Variants in DGLUCY observed in about 807,000 individuals in gnomAD.
DGLUCY encodes D-glutamate cyclase.
A neutral mutation model predicts 58.5 loss-of-function variants in DGLUCY; 58 were observed. The ratio of observed to expected loss-of-function variants is 0.99; its 90% CI spans 0.80 to 1.23. The LOEUF (loss-of-function observed/expected upper bound fraction) is 1.23, where lower values mean the gene tolerates loss of function less well. DGLUCY is among the 50% of genes most tolerant of loss of function. The probability of loss-of-function intolerance (pLI) is 0.00; values close to 1 mark genes in which losing one functional copy is unlikely to be tolerated. For synonymous variants in DGLUCY, 325 were observed against 314.1 expected, an observed-to-expected ratio of 1.03 and a Z score of -0.37; for missense variants, 779 against 784.7, an observed-to-expected ratio of 0.99 and a Z score of 0.09.
intron 1 of DGLUCY, chr14:91,114,864 C>G (rs1474791795): frequency 6.6e-6 from 1 of 152,404 alleles, no homozygotes; most frequent in Non-Finnish European, 1.5e-5. Context: ...AAATCCTCGC[C>G]AAGTCTTTCT....
At chr14:91,169,479 G>T (rs2048452942) in intron 4 of DGLUCY, among the ~76,000 whole-genome samples, 1 of 151,170 alleles carries the variant, frequency 6.6e-6, no homozygotes, top group Admixed American at 6.6e-5. Flanking sequence ...GCACGATCTC[G>T]GCTCACTACA....
intron 1 of DGLUCY, among the ~76,000 whole-genome samples, chr14:91,077,195 G>A (rs142859636): frequency 2.6e-5 from 4 of 151,688 alleles, no homozygotes; most frequent in African/African-American, 7.3e-5. Context: ...GCAGTGAGCC[G>A]TGATCGTGCC....
chr14:91,126,462 C>G (rs1420884841), intron 1 of DGLUCY: 1 of 228,746 alleles, frequency 4.4e-6, no homozygotes, highest in Non-Finnish European at 9.2e-6. Context: ...AGAATGCCTC[C>G]TCTGTTTACA....
At position 91,063,288 on chromosome 14, in the gene DGLUCY, T is replaced by C. The variant is rs913063551; in HGVS notation, c.-82+2584T>C. Among the ~76,000 whole-genome samples the C allele has an allele frequency of 6.6e-5, 10 of 151,744 alleles. No homozygotes were observed. The Middle Eastern group carries it at 0.01, about 156-fold the overall frequency. On this transcript the variant is annotated intron_variant, in intron 1 of 4. Transcript: ENST00000521334. ...TTTCTTACCTCCTTTGCAGTTAGGT[T>C]AGGGTCATATGACTATGATCTGGCC...
At chr14:91,113,055 A>G (rs1195728698), upstream of DGLUCY, among the ~76,000 whole-genome samples, 1 of 149,880 alleles carries the variant, frequency 6.7e-6, no homozygotes, top group East Asian at 2.0e-4. Flanking sequence ...TAATCCCAGC[A>G]CTTTGGGAGG....
intron 13 of DGLUCY, among the ~76,000 whole-genome samples, chr14:91,221,497 C>A (rs935379367): frequency 6.8e-6 from 1 of 146,376 alleles, no homozygotes; most frequent in African/African-American, 2.6e-5. Context: ...TGGATGGATG[C>A]ATGGATGGAT....
intron 1 of DGLUCY, among the ~76,000 whole-genome samples, chr14:91,120,485 A>G (rs1304747432): frequency 1.3e-5 from 2 of 152,104 alleles, no homozygotes; most frequent in African/African-American, 2.4e-5. Context: ...GCTCACTGCA[A>G]CCTGCAGCCT....
chr14:91,217,786 C>A (rs1020786827), intron 13 of DGLUCY, among the ~76,000 whole-genome samples: 16 of 152,158 alleles, frequency 1.1e-4, no homozygotes, highest in African/African-American at 3.1e-4. Context: ...CCACGCCCGG[C>A]CTCTTTTCTG....
chr14:91,163,339 G>T (rs374390511), intron 3 of DGLUCY, among the ~76,000 whole-genome samples: 1 of 152,178 alleles, frequency 6.6e-6, no homozygotes, highest in Admixed American at 6.5e-5. Flanking sequence ...GGAGTGGGAG[G>T]CCTCTAAGCC....
intron 12 of DGLUCY, among the ~76,000 whole-genome samples, chr14:91,212,729 G>T (rs920759408): frequency 6.6e-6 from 1 of 150,756 alleles, no homozygotes; most frequent in African/African-American, 2.4e-5. Context: ...AAGGCTGGGC[G>T]CAGTGGCTCA....
chr14:91,106,371 T>C (rs188248967), upstream of DGLUCY, among the ~76,000 whole-genome samples: 1 of 151,838 alleles, frequency 6.6e-6, no homozygotes, highest in Admixed American at 6.6e-5. Flanking sequence ...AACTGAATTG[T>C]CATTATATGG....
chr14:91,187,003 CTTCT>C (rs1433748867), intron 8 of DGLUCY, among the ~76,000 whole-genome samples: 37 of 8,444 alleles, frequency 4.4e-3, no homozygotes, highest in East Asian at 0.039. Flanking sequence ...ATGTCTTCTT[CTTCT>C]TTTTTTTTTT....
chr14:91,185,986 G>T (rs534220368), intron 8 of DGLUCY, among the ~76,000 whole-genome samples: 11 of 152,028 alleles, frequency 7.2e-5, no homozygotes, highest in African/African-American at 2.7e-4. Flanking sequence ...CATCTTGAGC[G>T]TTACTCACTG....
At chr14:91,154,961 TC>T (rs1047928551) in intron 1 of DGLUCY, among the ~76,000 whole-genome samples, 1 of 151,910 alleles carries the variant, frequency 6.6e-6, no homozygotes, top group Non-Finnish European at 1.5e-5. Flanking sequence ...GGACAGCTGG[TC>T]CCCCCAGTAC....
At chr14:91,079,110 G>C (rs2044080715) in intron 1 of DGLUCY, among the ~76,000 whole-genome samples, 1 of 151,640 alleles carries the variant, frequency 6.6e-6, no homozygotes, top group Admixed American at 6.6e-5. Flanking sequence ...CACCATATTG[G>C]CCAGGCTGGT....
chr14:91,170,183 C>T lies in DGLUCY; in HGVS notation c.438C>T (p.Ser146=), dbSNP rs751942283. The stretch of plus-strand genomic sequence containing the variant: ...CCAGAAGAGACCCAGCAGGTCACAG[C>T]CAGGCGGGTGCATACAAGGTAGGGA... The part of the protein sequence containing the change: ...GLPRRDPAGH[S]QAGAYKTTVP... Residue 146 remains serine (S), a synonymous_variant, in exon 5 of 14, where the codon AGC becomes AGT. Transcript: ENST00000256324. The T allele has an allele frequency of 6.8e-6, 11 of 1,613,690 alleles. No homozygotes were observed. The highest frequency in any genetic ancestry group is 9.3e-6 in the Non-Finnish European group (11 of 1,179,962).
At chr14:91,175,381 A>G (rs1378995881) in intron 6 of DGLUCY, among the ~76,000 whole-genome samples, 2 of 152,156 alleles carry the variant, frequency 1.3e-5, no homozygotes, top group Admixed American at 1.3e-4. Context: ...AACCGACAAC[A>G]TTAGACAGAA....
rs376281555 is a variant in DGLUCY at position 91,143,164 on chromosome 14, C to T, written c.-81-14475C>T. 7.5e-4 allele frequency among the ~76,000 whole-genome samples: 114 copies of T among 151,468 alleles called. 1 individual carries two copies. The Middle Eastern group carries it at 0.017, about 23-fold the overall frequency. ...AGGCTGGAGTGCAGTGGCGCAATCTCGGCTCACTGCAAGCTCTGCCTCCCG... is the reference window on the plus strand; with the variant it reads ...AGGCTGGAGTGCAGTGGCGCAATCTTGGCTCACTGCAAGCTCTGCCTCCCG... On this transcript the variant is annotated intron_variant, in intron 1 of 13. Coordinates refer to ENST00000256324, the MANE Select transcript of DGLUCY (RefSeq NM_001102368.3).
At chr14:91,068,079 G>GCACGCA (rs1555387694) in intron 1 of DGLUCY, among the ~76,000 whole-genome samples, 18 of 146,342 alleles carry the variant, frequency 1.2e-4, no homozygotes, top group African/African-American at 4.1e-4. Context: ...ACACGCGCAC[G>GCACGCA]CACACACACA....
Sources: gnomAD v4.1 joint callset for allele counts (sites outside exome capture counted in the v4.1 genomes callset) on GRCh38, gnomAD v4.1.1 for gene constraint, MANE v1.5 for transcripts, NCBI Gene and HGNC (gene_info 2026-07-23, HGNC 2026-07-21) for gene names.